Variants in LHFPL3 observed in about 807,000 individuals in gnomAD.
LHFPL3 encodes LHFPL tetraspan subfamily member 3 protein.
A neutral mutation model predicts 19.3 loss-of-function variants in LHFPL3; 5 were observed. The observed-to-expected ratio is 0.26, with a 90% CI of 0.14 to 0.54. The LOEUF (loss-of-function observed/expected upper bound fraction) is 0.54, where lower values mean the gene tolerates loss of function less well. Ranked by LOEUF, LHFPL3 falls within the 20% of genes least tolerant of loss-of-function variation. LHFPL3 has a pLI of 0.94. For missense variants in LHFPL3, 249 were observed against 307.4 expected (o/e 0.81, Z 1.42); for synonymous variants, 133 against 126.2 (o/e 1.05, Z -0.36).
chr7:104,781,391 C>A (rs1228991649), intron 2 of LHFPL3, among the ~76,000 whole-genome samples: 1 of 152,092 alleles, frequency 6.6e-6, no homozygotes, highest in Non-Finnish European at 1.5e-5. Context: ...TCTCTCCTGT[C>A]ACAGTGGAAG....
intron 2 of LHFPL3, among the ~76,000 whole-genome samples, chr7:104,830,658 T>C (rs1790933892): frequency 6.6e-6 from 1 of 151,970 alleles, no homozygotes; most frequent in African/African-American, 2.4e-5. Flanking sequence ...AGTGGCATTA[T>C]TTCTGAGGGC....
chr7:104,535,735 G>T (rs1794377919), intron 1 of LHFPL3, among the ~76,000 whole-genome samples: 1 of 152,182 alleles, frequency 6.6e-6, no homozygotes, highest in Admixed American at 6.5e-5. Flanking sequence ...TAAGGAACCT[G>T]GGAGAATCAT....
intron 2 of LHFPL3, among the ~76,000 whole-genome samples, chr7:104,830,495 G>C (rs1053548059): frequency 3.3e-5 from 5 of 151,816 alleles, no homozygotes; most frequent in Non-Finnish European, 7.4e-5. Context: ...AATCCATCTT[G>C]AATTAATTTT....
chr7:104,890,615 G>T (rs916901122), intron 2 of LHFPL3, among the ~76,000 whole-genome samples: 1 of 152,206 alleles, frequency 6.6e-6, no homozygotes, highest in Admixed American at 6.5e-5. Context: ...CCGGGTGAAG[G>T]TCTCATTGCC....
intron 1 of LHFPL3, among the ~76,000 whole-genome samples, chr7:104,485,799 G>T (rs995431316): frequency 6.6e-6 from 1 of 151,834 alleles, no homozygotes; most frequent in Non-Finnish European, 1.5e-5. Context: ...GGCCTCGCTC[G>T]GTGTGTGATG....
chr7:104,730,700 G>A (rs1484903858), intron 1 of LHFPL3, among the ~76,000 whole-genome samples: 2 of 152,190 alleles, frequency 1.3e-5, no homozygotes, highest in African/African-American at 4.8e-5. Flanking sequence ...AAGGTTGCCT[G>A]TTCACTCTGA....
At chr7:104,859,550 TC>T (rs2116632215) in intron 2 of LHFPL3, among the ~76,000 whole-genome samples, 1 of 151,982 alleles carries the variant, frequency 6.6e-6, no homozygotes, top group African/African-American at 2.4e-5. Flanking sequence ...ATGCCTGTAG[TC>T]CCAAACACTC....
Position 104,376,468 on chromosome 7 carries a change from A to AT in LHFPL3, c.445+47245dup, listed in dbSNP as rs370220533. 5.0e-4 allele frequency among the ~76,000 whole-genome samples: 76 copies of AT among 152,344 alleles called. 1 individual carries two copies. The highest frequency in any genetic ancestry group is 8.4e-4 in the Non-Finnish European group (57 of 68,028). ...CTAGATAAAATCTCTGAGGTGATTCATGTCCCCAGTAGGGGTGAGGGTCAC... is the reference window on the plus strand; with the variant it reads ...CTAGATAAAATCTCTGAGGTGATTCATTGTCCCCAGTAGGGGTGAGGGTCAC... On this transcript the variant is annotated intron_variant, in intron 1 of 2. Transcript: ENST00000424859.
At chr7:104,632,973 A>G (rs1055601912) in intron 1 of LHFPL3, among the ~76,000 whole-genome samples, 9 of 152,194 alleles carry the variant, frequency 5.9e-5, no homozygotes, top group Admixed American at 2.0e-4. Flanking sequence ...AACTATGAAT[A>G]CTATACAAGT....
intron 2 of LHFPL3, among the ~76,000 whole-genome samples, chr7:104,791,496 T>C (rs1790022985): frequency 6.6e-6 from 1 of 152,222 alleles, no homozygotes; most frequent in African/African-American, 2.4e-5. Context: ...CATCACATGA[T>C]CACTGTAGTT....
At chr7:104,561,996 T>C (rs1259220956) in intron 1 of LHFPL3, among the ~76,000 whole-genome samples, 2 of 152,168 alleles carry the variant, frequency 1.3e-5, no homozygotes, top group Non-Finnish European at 2.9e-5. Context: ...TCTTTAAGAA[T>C]GTTGACTATT....
intron 1 of LHFPL3, among the ~76,000 whole-genome samples, chr7:104,522,019 C>T (rs1050214516): frequency 2.6e-5 from 4 of 152,094 alleles, no homozygotes; most frequent in South Asian, 2.1e-4. Context: ...CCATTTGACC[C>T]AGCCATCCCA....
intron 1 of LHFPL3, among the ~76,000 whole-genome samples, chr7:104,665,900 C>CAGT (rs1792325684): frequency 6.6e-6 from 1 of 152,078 alleles, no homozygotes; most frequent in Admixed American, 6.6e-5. Flanking sequence ...TGCTGCTCAT[C>CAGT]TCTTCTGTCT....
chr7:104,859,183 C>G (rs1791567199), intron 2 of LHFPL3, among the ~76,000 whole-genome samples: 1 of 151,496 alleles, frequency 6.6e-6, no homozygotes. Context: ...AGGAGAATCA[C>G]TTGAACCCAG....
chr7:104,687,142 T>C (rs1792821588), intron 1 of LHFPL3, among the ~76,000 whole-genome samples: 1 of 152,248 alleles, frequency 6.6e-6, no homozygotes, highest in African/African-American at 2.4e-5. Context: ...CAGGTTTGAC[T>C]TCTTTGCTGG....
intron 1 of LHFPL3, among the ~76,000 whole-genome samples, chr7:104,426,466 G>A (rs1328792374): frequency 1.3e-5 from 2 of 152,076 alleles, no homozygotes; most frequent in Admixed American, 1.3e-4. Context: ...ATGTTGGTCA[G>A]GCTTGTCTGG....
chr7:104,369,514 A>G (rs1790570147), intron 1 of LHFPL3, among the ~76,000 whole-genome samples: 1 of 152,300 alleles, frequency 6.6e-6, no homozygotes, highest in South Asian at 2.1e-4. Flanking sequence ...ACTGTTATCA[A>G]TAATGTTTGT....
intron 2 of LHFPL3, among the ~76,000 whole-genome samples, chr7:104,747,730 C>A (rs899807597): frequency 6.6e-6 from 1 of 152,150 alleles, no homozygotes; most frequent in East Asian, 1.9e-4. Context: ...TGCACACCCA[C>A]TAAGTGACAC....
intron 2 of LHFPL3, among the ~76,000 whole-genome samples, chr7:104,820,266 G>A (rs995156670): frequency 5.9e-5 from 9 of 152,158 alleles, no homozygotes; most frequent in Non-Finnish European, 1.3e-4. Flanking sequence ...TGAATGAAAG[G>A]GTGAGCAGAG....
Sources: gnomAD v4.1 joint callset for allele counts (sites outside exome capture counted in the v4.1 genomes callset) on GRCh38, gnomAD v4.1.1 for gene constraint, MANE v1.5 for transcripts, NCBI Gene and HGNC (gene_info 2026-07-23, HGNC 2026-07-21) for gene names.